Variants in PHF8 observed in about 807,000 individuals in gnomAD.
PHF8 encodes histone lysine demethylase PHF8.
PHF8 carries 9 observed loss-of-function variants against 74.4 expected under a neutral mutation model. That is an observed-to-expected ratio of 0.12 (90% confidence interval 0.07 to 0.21). The LOEUF (loss-of-function observed/expected upper bound fraction) is 0.21. Ranked by LOEUF, PHF8 falls within the 10% of genes least tolerant of loss-of-function variation. The probability of loss-of-function intolerance (pLI) is 1.00; values close to 1 mark genes in which losing one functional copy is unlikely to be tolerated. For missense variants in PHF8, 478 were observed against 816.6 expected (o/e 0.59, Z 5.05); for synonymous variants, 311 against 316.6 (o/e 0.98, Z 0.19).
chrX:54,009,768 G>C (rs1294420797), intron 8 of PHF8, among the ~76,000 whole-genome samples: 1 of 98,744 alleles, frequency 1.0e-5, no homozygotes, highest in African/African-American at 3.8e-5. Context: ...ACCTGAACCT[G>C]GGAGGCGGAG....
chrX:53,946,649 C>A (rs2064836670), intron 19 of PHF8, among the ~76,000 whole-genome samples: 1 of 112,185 alleles, frequency 8.9e-6, no homozygotes, highest in African/African-American at 3.2e-5. Flanking sequence ...GGTTAAAAGG[C>A]ATTCAAATGC....
intron 18 of PHF8, among the ~76,000 whole-genome samples, chrX:53,977,981 G>T (rs1242935130): frequency 2.9e-5 from 2 of 68,242 alleles, no homozygotes; most frequent in East Asian, 4.5e-4. Context: ...GTCTCACTCT[G>T]TCCCCCCAGG....
intron 13 of PHF8, chrX:53,993,056 G>A (rs2065692256): frequency 2.4e-6 from 1 of 412,144 alleles, no homozygotes. Flanking sequence ...TGTGAACCAT[G>A]TTCCCTTAAA....
At chrX:53,947,577 GT>G (rs1178333436) in intron 19 of PHF8, among the ~76,000 whole-genome samples, 4 of 112,088 alleles carry the variant, frequency 3.6e-5, no homozygotes, top group Non-Finnish European at 5.6e-5. Flanking sequence ...GTTCTCTATA[GT>G]TTTGTATGTG....
chrX:54,042,594 C>T (rs782383329), intron 2 of PHF8, 37 bp downstream of exon 2: 1 of 1,141,527 alleles, frequency 8.8e-7, no homozygotes, highest in Non-Finnish European at 1.2e-6. Flanking sequence ...ACACACCTGG[C>T]CACCGCACCC....
intron 13 of PHF8, 68 bp from the exon 14 acceptor site, chrX:53,992,907 C>T: frequency 1.4e-6 from 1 of 737,777 alleles, no homozygotes; most frequent in Non-Finnish European, 2.1e-6. Flanking sequence ...GGCAAGTTCC[C>T]TCTGGTTTCA....
At chrX:53,954,263 G>C (rs782715634) in intron 19 of PHF8, among the ~76,000 whole-genome samples, 2 of 110,681 alleles carry the variant, frequency 1.8e-5, no homozygotes, top group Non-Finnish European at 3.8e-5. Context: ...ACTTTGGGAG[G>C]CCAAGGTAGG....
In PHF8 at chrX:54,028,168, A is replaced by G. The variant is rs1569529415; in HGVS notation, c.99-5325T>C. Among the ~76,000 whole-genome samples, 2 of 111,586 alleles carry G rather than the reference A, an allele frequency of 1.8e-5. 1 individual carries two copies. The highest frequency in any genetic ancestry group is 5.7e-4 in the East Asian group (2 of 3,539). On this transcript the variant is annotated intron_variant, in intron 2 of 21. Coordinates refer to ENST00000338154, the MANE Select transcript of PHF8 (RefSeq NM_015107.3). ...GCTATGAAGGAAGAGCATCCCAATA[A>G]GAACAGCAAGTACAAAAGCCCTGTG...
chrX:53,980,984 G>A (rs1019759462), intron 18 of PHF8, among the ~76,000 whole-genome samples: 10 of 112,517 alleles, frequency 8.9e-5, no homozygotes, highest in South Asian at 3.7e-4. Flanking sequence ...AGGCTGAGGC[G>A]GGTGGATCAC....
chrX:54,023,872 C>G (rs1286549597), intron 2 of PHF8, among the ~76,000 whole-genome samples: 1 of 106,902 alleles, frequency 9.4e-6, no homozygotes, highest in Admixed American at 1.0e-4. Flanking sequence ...AAAGAAGACC[C>G]AAGTCTTAAA....
intron 19 of PHF8, among the ~76,000 whole-genome samples, chrX:53,949,811 C>CAAAA (rs11353359): frequency 9.0e-4 from 22 of 24,311 alleles, no homozygotes; most frequent in South Asian, 2.7e-3. Context: ...GACTCCGTCT[C>CAAAA]AAAAAAAAAA....
intron 18 of PHF8, among the ~76,000 whole-genome samples, chrX:53,971,348 G>A (rs2065287645): frequency 9.0e-6 from 1 of 111,043 alleles, no homozygotes; most frequent in Non-Finnish European, 1.9e-5. Flanking sequence ...TGTTAAGAAG[G>A]AAATTTATAG....
intron 10 of PHF8, among the ~76,000 whole-genome samples, chrX:54,000,565 T>C (rs1264029095): frequency 3.5e-5 from 4 of 112,716 alleles, no homozygotes; most frequent in African/African-American, 1.3e-4. Context: ...ACAGTCTAGG[T>C]GGCAGAATAA....
At chrX:54,007,271 T>A (rs1197987983) in intron 8 of PHF8, among the ~76,000 whole-genome samples, 1 of 111,691 alleles carries the variant, frequency 9.0e-6, no homozygotes, top group African/African-American at 3.3e-5. Flanking sequence ...TCAAAATGGA[T>A]GAAAGATCTA....
At chrX:53,987,213 G>A (rs377190478) in intron 15 of PHF8, 50 bp from the exon 16 acceptor site, 5 of 803,328 alleles carry the variant, frequency 6.2e-6, no homozygotes, top group Non-Finnish European at 7.6e-6. Flanking sequence ...TAGCATTTCA[G>A]CCAAATACCC....
intron 2 of PHF8, among the ~76,000 whole-genome samples, chrX:54,023,841 C>CAAAAAAAAAAAAAAAAAAAAAAAAAAAA (rs782579990): frequency 2.6e-5 from 1 of 39,189 alleles, no homozygotes; most frequent in Non-Finnish European, 4.9e-5. Flanking sequence ...ACCCTGTCTC[C>CAAAAAAAAAAAAAAAAAAAAAAAAAAAA]AAAAAAAAAA....
Position 54,044,259 on chromosome X carries a change from C to T in PHF8, c.-590G>A. 1.3e-6 allele frequency: 1 copy of T among 755,108 alleles called. No homozygotes were observed. Among genetic ancestry groups the T allele is most frequent in the Non-Finnish European group, 1.6e-6 (1 of 639,386 alleles). 62.2% of individuals were successfully genotyped at this position (755,108 alleles called of 1,213,427 possible). A position where few individuals can be genotyped will look rare whatever the true frequency, so the allele number is the denominator to read the frequency against. On this transcript the variant is annotated 5_prime_UTR_variant, in exon 1 of 22. Transcript: ENST00000338154. Reference sequence around the variant, plus strand: ...AACGGGGAAAGAGATGAACCGGCCGCCACGTCCGAGGCACACGGCCCGAAA... The same window carrying T: ...AACGGGGAAAGAGATGAACCGGCCGTCACGTCCGAGGCACACGGCCCGAAA...
chrX:54,006,937 C>T lies in PHF8; in HGVS notation c.946+4185G>A, dbSNP rs2065906021. On this transcript the variant is annotated intron_variant, in intron 8 of 21. Transcript: ENST00000338154. ...CTCAGCAACAAGAACAAAACTTCAT[C>T]TCAAAAAAAAAAAAAAAAAAAAATT... Among the ~76,000 whole-genome samples the T allele has an allele frequency of 5.6e-5, 5 of 89,471 alleles. No homozygotes were observed. The Admixed American group carries it at 6.6e-4, about 12-fold the overall frequency. 77.7% of individuals were successfully genotyped at this position (89,471 alleles called of 115,157 possible).
intron 16 of PHF8, among the ~76,000 whole-genome samples, chrX:53,986,602 T>C (rs958530010): frequency 8.9e-6 from 1 of 112,331 alleles, no homozygotes; most frequent in African/African-American, 3.2e-5. Context: ...AAATCTTCCA[T>C]TTATATGCTC....
Sources: allele counts gnomAD v4.1 joint callset (sites outside exome capture counted in the v4.1 genomes callset), GRCh38; gene constraint gnomAD v4.1.1; transcripts MANE v1.5; gene names NCBI Gene and HGNC (gene_info 2026-07-23, HGNC 2026-07-21).